The following FLT1 variants were observed in gnomAD, a reference collection of about 807,000 sequenced individuals.
FLT1 encodes fms related receptor tyrosine kinase 1.
Under a neutral mutation model 156.3 loss-of-function variants are expected in FLT1, and 49 were observed. The ratio of observed to expected loss-of-function variants is 0.31; its 90% CI spans 0.25 to 0.40. The LOEUF (loss-of-function observed/expected upper bound fraction) is 0.40. FLT1 is among the 10% of genes least tolerant of loss of function. The probability of loss-of-function intolerance (pLI) is 1.00; values close to 1 mark genes in which losing one functional copy is unlikely to be tolerated. For missense variants in FLT1, 1,322 were observed against 1,637.2 expected (o/e 0.81, Z 3.32); for synonymous variants, 594 against 583.8 (o/e 1.02, Z -0.25).
chr13:28,332,184 T>C (rs1480390456), intron 18 of FLT1, among the ~76,000 whole-genome samples: 1 of 152,084 alleles, frequency 6.6e-6, no homozygotes, highest in Non-Finnish European at 1.5e-5. Context: ...ACTATGATCA[T>C]GCTACTGCAC....
At chr13:28,317,981 G>C (rs1241040412) in intron 24 of FLT1, among the ~76,000 whole-genome samples, 7 of 151,566 alleles carry the variant, frequency 4.6e-5, no homozygotes, top group African/African-American at 1.5e-4. Context: ...TTTTTGAAGA[G>C]ACGGGTCTCC....
At chr13:28,377,415 A>G (rs577857392) in intron 14 of FLT1, among the ~76,000 whole-genome samples, 2 of 144,858 alleles carry the variant, frequency 1.4e-5, no homozygotes, top group South Asian at 4.4e-4. Flanking sequence ...TTTTGATACC[A>G]TGATTGAGCC....
rs1870521546 is a variant in FLT1 at position 28,301,646 on chromosome 13, G to C, written c.*1521C>G. 1 of 233,182 alleles carries C rather than the reference G, an allele frequency of 4.3e-6. No individual in the cohort carries two copies. The highest frequency in any genetic ancestry group is 5.6e-5 in the Admixed American group (1 of 17,752). 14.4% of individuals were successfully genotyped at this position (233,182 alleles called of 1,614,324 possible). On this transcript the variant is annotated 3_prime_UTR_variant, in exon 30 of 30. Transcript: ENST00000282397. ...CTTCTGACTGGCTGCAGAAGGTGCA[G>C]ACATCATAAATACATAGACCCTAAC... is the stretch of plus-strand genomic sequence containing the variant.
intron 3 of FLT1, among the ~76,000 whole-genome samples, chr13:28,440,942 T>G (rs1878303676): frequency 6.6e-6 from 1 of 152,042 alleles, no homozygotes; most frequent in African/African-American, 2.4e-5. Context: ...CCCAAGAATG[T>G]CAGGTGACCA....
At chr13:28,310,091 T>G (rs1376699379) in intron 27 of FLT1, among the ~76,000 whole-genome samples, 1 of 152,130 alleles carries the variant, frequency 6.6e-6, no homozygotes, top group Admixed American at 6.5e-5. Context: ...GATTTCACCA[T>G]GTTGGCCAGG....
chr13:28,483,621 C>T (rs773807761), intron 1 of FLT1, among the ~76,000 whole-genome samples: 8 of 152,126 alleles, frequency 5.3e-5, no homozygotes, highest in Non-Finnish European at 1.0e-4. Context: ...GCTATTTTCT[C>T]CTTCTTGACT....
rs1348586030 is a variant in FLT1, at chr13:28,311,490, CTT to C, written c.3635+98_3635+99del. 4 of 1,045,450 alleles carry C rather than the reference CTT, an allele frequency of 3.8e-6. No homozygotes were observed. In the African/African-American group the frequency reaches 4.8e-5, roughly 13 times the overall value. 64.8% of individuals were successfully genotyped at this position (1,045,450 alleles called of 1,614,324 possible). ...TCTTTCTCTCTTTCTTTCTTTCTCTCTTTCTTTCTCTCTTTCGTCTTTCTTTC... is the reference window on the plus strand; with the variant it reads ...TCTTTCTCTCTTTCTTTCTTTCTCTCTCTTTCTCTCTTTCGTCTTTCTTTC... On this transcript the variant is annotated intron_variant, in intron 27 of 29. Coordinates refer to ENST00000282397, the MANE Select transcript of FLT1 (RefSeq NM_002019.4).
At chr13:28,396,589 A>G (rs1875059711) in intron 12 of FLT1, among the ~76,000 whole-genome samples, 1 of 152,240 alleles carries the variant, frequency 6.6e-6, no homozygotes, top group Admixed American at 6.5e-5. Flanking sequence ...AAACAAAACC[A>G]AAAACGATGT....
intron 1 of FLT1, among the ~76,000 whole-genome samples, chr13:28,483,563 A>C (rs770180505): frequency 5.9e-5 from 9 of 152,184 alleles, no homozygotes; most frequent in Non-Finnish European, 1.2e-4. Context: ...ATTCTGGTTG[A>C]AAAAGTGTCC....
At chr13:28,370,544 G>A (rs189332599) in intron 14 of FLT1, among the ~76,000 whole-genome samples, 5 of 152,230 alleles carry the variant, frequency 3.3e-5, no homozygotes, top group East Asian at 1.9e-4. Context: ...CCTTTGAAAC[G>A]GTGCCAAAAA....
chr13:28,351,058 G>A (rs1056912764), intron 15 of FLT1, among the ~76,000 whole-genome samples: 8 of 150,640 alleles, frequency 5.3e-5, no homozygotes, highest in African/African-American at 1.7e-4. Flanking sequence ...CAAGTGCAGA[G>A]TAATTTTTTT....
At chr13:28,448,403 A>G (rs547256518) in intron 3 of FLT1, among the ~76,000 whole-genome samples, 2 of 152,388 alleles carry the variant, frequency 1.3e-5, no homozygotes, top group Non-Finnish European at 2.9e-5. Context: ...TGATATGTCC[A>G]TACAATGGAA....
chr13:28,381,869 G>C (rs1874092160), intron 14 of FLT1, among the ~76,000 whole-genome samples: 1 of 152,136 alleles, frequency 6.6e-6, no homozygotes, highest in African/African-American at 2.4e-5. Context: ...ACCACTATGA[G>C]TTTGCTAAGG....
chr13:28,361,183 G>A lies in FLT1; in HGVS notation c.2117-3498C>T, dbSNP rs982422666. Among the ~76,000 whole-genome samples the A allele has an allele frequency of 2.0e-5, 3 of 152,046 alleles. No homozygotes were observed. The South Asian group carries it at 6.2e-4, about 32-fold the overall frequency. ...AGTCCCAGCTACTCGGGAGGCTGAG[G>A]CAGAAGAATTGCTTGAAGCCGGGAG... is the stretch of plus-strand genomic sequence containing the variant. On this transcript the variant is annotated intron_variant, in intron 14 of 29. Coordinates refer to ENST00000282397, the MANE Select transcript of FLT1 (RefSeq NM_002019.4).
intron 3 of FLT1, among the ~76,000 whole-genome samples, chr13:28,443,361 A>G (rs1878437918): frequency 6.6e-6 from 1 of 152,224 alleles, no homozygotes; most frequent in South Asian, 2.1e-4. Context: ...AAGCATACAG[A>G]CATAGTGGCC....
chr13:28,306,795 T>C, intron 28 of FLT1, 23 bp from the exon 29 acceptor site: 4 of 1,548,154 alleles, frequency 2.6e-6, no homozygotes, highest in Non-Finnish European at 2.7e-6. Flanking sequence ...GGAGAAAGGT[T>C]ATACTCTTGC....
At chr13:28,415,082 A>C (rs1876565297) in intron 10 of FLT1, among the ~76,000 whole-genome samples, 3 of 152,238 alleles carry the variant, frequency 2.0e-5, no homozygotes, top group Non-Finnish European at 4.4e-5. Context: ...GCTGACATGC[A>C]AAGCAGTGTC....
intron 1 of FLT1, among the ~76,000 whole-genome samples, chr13:28,489,025 TC>T (rs1881331998): frequency 6.6e-6 from 1 of 152,220 alleles, no homozygotes; most frequent in African/African-American, 2.4e-5. Flanking sequence ...ACACAGGACT[TC>T]TGCAGTGACC....
chr13:28,340,826 T>C (rs1872305229), intron 16 of FLT1, among the ~76,000 whole-genome samples: 2 of 152,088 alleles, frequency 1.3e-5, no homozygotes, highest in African/African-American at 4.8e-5. Flanking sequence ...TTGGCCTCCA[T>C]AAAGGATGAG....
Sources: gnomAD v4.1 joint callset for allele counts (sites outside exome capture counted in the v4.1 genomes callset) on GRCh38, gnomAD v4.1.1 for gene constraint, MANE v1.5 for transcripts, NCBI Gene and HGNC (gene_info 2026-07-23, HGNC 2026-07-21) for gene names.